CACNA1C: variants seen among roughly 807,000 people sequenced by gnomAD.
The protein encoded by CACNA1C is calcium voltage-gated channel subunit alpha1 C.
Under a neutral mutation model 229.0 loss-of-function variants are expected in CACNA1C, and 30 were observed. The ratio of observed to expected loss-of-function variants is 0.13; its 90% CI spans 0.10 to 0.18. The LOEUF (loss-of-function observed/expected upper bound fraction) is 0.18. Ranked by LOEUF, CACNA1C falls within the 10% of genes least tolerant of loss-of-function variation. The pLI is 1.00. For missense variants in CACNA1C, 1,658 were observed against 2,845.0 expected (o/e 0.58, Z 9.49); for synonymous variants, 1,114 against 1,132.5 (o/e 0.98, Z 0.33).
intron 3 of CACNA1C, among the ~76,000 whole-genome samples, chr12:2,431,668 A>G (rs1332808327): frequency 1.3e-5 from 2 of 152,192 alleles, no homozygotes; most frequent in Non-Finnish European, 2.9e-5. Flanking sequence ...TACATAAAAC[A>G]TTAAACACAG....
chr12:2,292,756 A>G (rs1380680088), intron 3 of CACNA1C, among the ~76,000 whole-genome samples: 1 of 152,128 alleles, frequency 6.6e-6, no homozygotes, highest in African/African-American at 2.4e-5. Context: ...TTCTCAGCCA[A>G]TCTCTTCCCT....
chr12:2,391,211 T>C (rs529844232), intron 3 of CACNA1C, among the ~76,000 whole-genome samples: 1 of 152,252 alleles, frequency 6.6e-6, no homozygotes, highest in Non-Finnish European at 1.5e-5. Flanking sequence ...CCAAAGGCCA[T>C]TTGGGGCATG....
chr12:2,370,918 G>A lies in CACNA1C; in HGVS notation c.478-78058G>A, dbSNP rs572395252. Among the ~76,000 whole-genome samples the A allele has an allele frequency of 1.6e-4, 24 of 152,254 alleles. No individual in the cohort carries two copies. The East Asian group carries it at 2.9e-3, about 18-fold the overall frequency. ...CCCTATGCTCTGTACAGTCAGGCTC[G>A]TCTGCTCTCCAAGTTTAAAGAGAAG... On this transcript the variant is annotated intron_variant, in intron 3 of 46. Coordinates refer to ENST00000399655, the MANE Select transcript of CACNA1C (RefSeq NM_000719.7).
chr12:2,389,851 C>G (rs757102097), intron 3 of CACNA1C, among the ~76,000 whole-genome samples: 2 of 152,210 alleles, frequency 1.3e-5, no homozygotes, highest in African/African-American at 2.4e-5. Flanking sequence ...TTCACTCCCT[C>G]TGTCCCCTGG....
intron 1 of CACNA1C, among the ~76,000 whole-genome samples, chr12:2,112,413 T>C (rs577043466): frequency 6.7e-6 from 1 of 148,624 alleles, no homozygotes; most frequent in African/African-American, 2.5e-5. Flanking sequence ...GACGTCTCAT[T>C]GTAGGGAGTG....
rs117659417 is a variant in CACNA1C at position 2,115,666 on chromosome 12, C to T, written c.371+121C>T. On this transcript the variant is annotated intron_variant, in intron 2 of 46. Transcript: ENST00000399655. ...CTGGGCTACAAACGGGGCCTCGGGC[C>T]TACTGCATCTGCATCACTGGGGTGC... 18,434 of 862,078 alleles carry T rather than the reference C, an allele frequency of 0.021. 266 individuals are homozygous for T. Among genetic ancestry groups the T allele is most frequent in the South Asian group, 0.039 (2,408 of 62,084 alleles). The allele number at this position is 862,078 out of a possible 1,614,324, so 53.4% of individuals were successfully genotyped here.
intron 3 of CACNA1C, among the ~76,000 whole-genome samples, chr12:2,393,513 G>A (rs1313257272): frequency 2.6e-5 from 4 of 152,212 alleles, no homozygotes; most frequent in Non-Finnish European, 4.4e-5. Context: ...ACAGCCGAAA[G>A]CTTACCCCCA....
At chr12:2,438,254 ATGG>A (rs1406965060) in intron 3 of CACNA1C, among the ~76,000 whole-genome samples, 17 of 115,968 alleles carry the variant, frequency 1.5e-4, no homozygotes, top group East Asian at 3.2e-4. Flanking sequence ...GATGATAATG[ATGG>A]TGATGGTGGT....
chr12:2,323,794 A>G (rs1385910675), intron 3 of CACNA1C, among the ~76,000 whole-genome samples: 1 of 151,124 alleles, frequency 6.6e-6, no homozygotes, highest in East Asian at 2.0e-4. Flanking sequence ...TGCGTAGGGC[A>G]TTGTGGGAGT....
chr12:1,971,084 C>T lies in CACNA1C; in HGVS notation c.22C>T (p.Pro8Ser), dbSNP rs1056649694. 3.1e-6 allele frequency: 4 copies of T among 1,289,276 alleles called. No homozygotes were observed. Among genetic ancestry groups the T allele is most frequent in the Non-Finnish European group, 4.0e-6 (4 of 988,454 alleles). The allele number at this position is 1,289,276 out of a possible 1,614,324, so 79.9% of individuals were successfully genotyped here. The change falls in exon 1 of 47, where the codon CCT becomes TCT. Residue 8 changes from proline (P) to serine (S), a missense_variant. Transcript: ENST00000682462. This position sits in a 1 kb window ranked among gnomAD's most constrained non-coding sequence, Gnocchi z 4.2. ...CACAATGCTTCGAGCCTTTGTTCAGCCTGGTACGCCTGCATACCAGCCGCT... is the reference window on the plus strand; with the variant it reads ...CACAATGCTTCGAGCCTTTGTTCAGTCTGGTACGCCTGCATACCAGCCGCT...
At chr12:2,668,908 C>T (rs1057775) in intron 37 of CACNA1C, 25 bp from the exon 38 acceptor site, 1 of 1,549,982 alleles carries the variant, frequency 6.5e-7, no homozygotes, top group Non-Finnish European at 8.9e-7. Flanking sequence ...CCATCATCAC[C>T]AGCTTTGCTT....
chr12:2,541,891 G>A (rs1056822038), intron 9 of CACNA1C, among the ~76,000 whole-genome samples: 3 of 152,160 alleles, frequency 2.0e-5, no homozygotes, highest in Non-Finnish European at 4.4e-5. Context: ...ATTCTCTCAT[G>A]TGGAGCTTTG....
chr12:1,981,906 T>C (rs866540698), intron 1 of CACNA1C, among the ~76,000 whole-genome samples: 9 of 152,230 alleles, frequency 5.9e-5, no homozygotes, highest in African/African-American at 2.2e-4. Flanking sequence ...GGTAAGAGTG[T>C]TCTGGGAAAG....
intron 1 of CACNA1C, among the ~76,000 whole-genome samples, chr12:2,107,634 T>C (rs1230756240): frequency 2.0e-5 from 3 of 152,274 alleles, no homozygotes; most frequent in Non-Finnish European, 4.4e-5. Flanking sequence ...CTCTCATTTA[T>C]GTGATGAAAA....
chr12:2,426,741 G>A (rs2154557475), intron 3 of CACNA1C, among the ~76,000 whole-genome samples: 1 of 152,344 alleles, frequency 6.6e-6, no homozygotes, highest in East Asian at 1.9e-4. Flanking sequence ...GTCAGCTGGT[G>A]GTTTGCTAGA....
At chr12:2,177,609 CTTCCTTCCTTCCTTCCTTCT>C (rs1173060051) in intron 3 of CACNA1C, among the ~76,000 whole-genome samples, 1 of 106,526 alleles carries the variant, frequency 9.4e-6, no homozygotes, top group African/African-American at 3.6e-5. Context: ...TCCTTCCTTC[CTTCCTTCCTTCCTTCCTTCT>C]CTCTCTCTTT....
chr12:2,502,081 G>T (rs2099761737), intron 7 of CACNA1C, among the ~76,000 whole-genome samples: 1 of 152,170 alleles, frequency 6.6e-6, no homozygotes, highest in Admixed American at 6.5e-5. Flanking sequence ...CCTGGCCCTT[G>T]CCCCCCTCAG....
At chr12:2,033,037 T>C (rs967088910) in intron 1 of CACNA1C, among the ~76,000 whole-genome samples, 7 of 151,838 alleles carry the variant, frequency 4.6e-5, no homozygotes, top group Non-Finnish European at 8.8e-5. Context: ...GGTGGTGGAG[T>C]AAAATGCCAG....
intron 3 of CACNA1C, among the ~76,000 whole-genome samples, chr12:2,186,881 T>C (rs1198500713): frequency 6.6e-6 from 1 of 151,810 alleles, no homozygotes; most frequent in Non-Finnish European, 1.5e-5. Context: ...TGACCCAGAG[T>C]GTATTATCTT....
Sources: allele counts gnomAD v4.1 joint callset (sites outside exome capture counted in the v4.1 genomes callset), GRCh38; gene constraint gnomAD v4.1.1; non-coding constraint Gnocchi (gnomAD v3.1); transcripts MANE v1.5; gene names NCBI Gene and HGNC (gene_info 2026-07-23, HGNC 2026-07-21).